RIPOR3: variants seen among roughly 807,000 people sequenced by gnomAD.
RIPOR3 encodes RIPOR family member 3.
A neutral mutation model predicts 114.3 loss-of-function variants in RIPOR3; 95 were observed. The ratio of observed to expected loss-of-function variants is 0.83; its 90% confidence interval spans 0.70 to 0.99. The LOEUF (loss-of-function observed/expected upper bound fraction) is 0.99. RIPOR3 is among the 50% of genes least tolerant of loss of function. The pLI, the probability that RIPOR3 is intolerant of heterozygous loss-of-function variation, is 0.00. For synonymous variants in RIPOR3, 575 were observed against 543.8 expected (o/e 1.06, Z -0.80); for missense variants, 1,252 against 1,266.9 (o/e 0.99, Z 0.18).
chr20:50,654,491 C>T (rs1176568142), intron 1 of RIPOR3, among the ~76,000 whole-genome samples: 2 of 119,934 alleles, frequency 1.7e-5, no homozygotes, highest in East Asian at 5.7e-4. Flanking sequence ...AGTGCAGTGG[C>T]GCAATCTCGG....
At chr20:50,648,602 A>G (rs1333318861) in intron 1 of RIPOR3, among the ~76,000 whole-genome samples, 2 of 152,096 alleles carry the variant, frequency 1.3e-5, no homozygotes, top group Non-Finnish European at 2.9e-5. Flanking sequence ...ATTGTAATAT[A>G]TAATGAAATA....
intron 13 of RIPOR3, among the ~76,000 whole-genome samples, chr20:50,601,437 T>C (rs756600723): frequency 6.6e-6 from 1 of 152,066 alleles, no homozygotes; most frequent in Non-Finnish European, 1.5e-5. Flanking sequence ...CGAGACTTCA[T>C]CTCAAAAAAT....
chr20:50,666,340 T>C (rs2123491720), intron 1 of RIPOR3, among the ~76,000 whole-genome samples: 1 of 150,642 alleles, frequency 6.6e-6, no homozygotes, highest in East Asian at 2.0e-4. Context: ...TTCTCCTGCT[T>C]CAGCCTCCCA....
intron 14 of RIPOR3, chr20:50,597,370 T>C: frequency 1.5e-6 from 1 of 645,186 alleles, no homozygotes; most frequent in Non-Finnish European, 2.6e-6. Context: ...GCTGGGGTGA[T>C]CTCACCCACT....
At chr20:50,671,430 A>ACGCG (rs1209680638) in intron 1 of RIPOR3, among the ~76,000 whole-genome samples, 1 of 2,992 alleles carries the variant, frequency 3.3e-4, no homozygotes, top group East Asian at 0.038. Context: ...GCGCGCGCGC[A>ACGCG]CACACACACA....
In RIPOR3 at chr20:50,604,771, C is replaced by A. The variant is rs376340592; in HGVS notation, c.960G>T (p.Pro320=). ...ACACCAGGAAGCTCTCAGTATCAAA[C>A]GGGCTGGAGGAGAGAACAGAAGGTC... ...IKLQLEVQWN[P]FDTESFLVSP... The change falls in exon 12 of 22, where the codon CCG becomes CCT. Residue 320 remains proline, a synonymous_variant. Coordinates refer to ENST00000327979, the MANE Select transcript of RIPOR3 (RefSeq NM_001290268.2). The A allele has an allele frequency of 1.2e-6, 2 of 1,607,602 alleles. No individual in the cohort carries two copies. Among genetic ancestry groups the A allele is most frequent in the African/African-American group, 2.7e-5 (2 of 74,406 alleles).
intron 11 of RIPOR3, among the ~76,000 whole-genome samples, chr20:50,607,341 G>GA (rs917950792): frequency 7.3e-6 from 1 of 136,526 alleles, no homozygotes; most frequent in African/African-American, 2.5e-5. Flanking sequence ...CGAGGCAAGT[G>GA]ATGCTCAGCC....
intron 2 of RIPOR3, among the ~76,000 whole-genome samples, chr20:50,626,906 C>T (rs979374877): frequency 8.6e-5 from 13 of 151,254 alleles, no homozygotes; most frequent in African/African-American, 2.4e-4. Flanking sequence ...CCCAGCTACT[C>T]GGGAGGCTGA....
chr20:50,671,510 T>C (rs2086495534), intron 1 of RIPOR3, among the ~76,000 whole-genome samples: 1 of 152,164 alleles, frequency 6.6e-6, no homozygotes, highest in East Asian at 1.9e-4. Flanking sequence ...ATGCTGGAGA[T>C]ACCCACATAG....
At chr20:50,597,551 G>A (rs1161150390) in intron 14 of RIPOR3, 29 bp downstream of exon 14, 1 of 1,586,790 alleles carries the variant, frequency 6.3e-7, no homozygotes. Flanking sequence ...GGTGGCCACT[G>A]GGTCACTGCT....
At chr20:50,634,040 G>GAC (rs1259388235) in intron 1 of RIPOR3, among the ~76,000 whole-genome samples, 1 of 142,120 alleles carries the variant, frequency 7.0e-6, no homozygotes, top group Non-Finnish European at 1.5e-5. Flanking sequence ...GGCGTGCAGT[G>GAC]ACACGATCTC....
At chr20:50,608,979 T>TC in intron 8 of RIPOR3, 24 bp from the exon 9 acceptor site, 1 of 1,559,312 alleles carries the variant, frequency 6.4e-7, no homozygotes, top group Non-Finnish European at 8.7e-7. Flanking sequence ...ATGGCCGGTC[T>TC]CCCCTCCGCC....
intron 20 of RIPOR3, among the ~76,000 whole-genome samples, chr20:50,589,434 A>G (rs920791971): frequency 6.6e-6 from 1 of 151,802 alleles, no homozygotes; most frequent in African/African-American, 2.4e-5. Context: ...GACTACAGGC[A>G]TGTGCCACCA....
At chr20:50,673,162 C>T (rs552845840) in intron 1 of RIPOR3, among the ~76,000 whole-genome samples, 12 of 152,262 alleles carry the variant, frequency 7.9e-5, no homozygotes, top group African/African-American at 1.7e-4. Flanking sequence ...CTTCTGTCTG[C>T]GTCCCAGCCT....
intron 14 of RIPOR3, chr20:50,597,056 C>T (rs2083318968): frequency 1.3e-5 from 2 of 153,134 alleles, no homozygotes; most frequent in Admixed American, 1.3e-4. Flanking sequence ...ACCTCCGCCT[C>T]CCGGGTCCGA....
At chr20:50,627,346 C>CA (rs71190580) in intron 2 of RIPOR3, among the ~76,000 whole-genome samples, 23,746 of 131,824 alleles carry the variant, frequency 0.18, 2,219 homozygotes, top group Middle Eastern at 0.26. Context: ...ACTAAAAATA[C>CA]AAAAAAAAAA....
intron 1 of RIPOR3, among the ~76,000 whole-genome samples, chr20:50,679,875 C>A (rs1196934757): frequency 1.3e-5 from 2 of 152,004 alleles, no homozygotes; most frequent in South Asian, 4.2e-4. Context: ...GAGGATCACC[C>A]GAGCTCAGGA....
In RIPOR3 at chr20:50,595,523, G is replaced by A. The variant is rs1166770580; in HGVS notation, c.1915-19C>T. The A allele has an allele frequency of 6.2e-7, 1 of 1,612,952 alleles. No individual in the cohort carries two copies. The highest frequency in any genetic ancestry group is 8.5e-7 in the Non-Finnish European group (1 of 1,179,526). On this transcript the variant is annotated intron_variant, in intron 15 of 21. Coordinates refer to ENST00000327979, the MANE Select transcript of RIPOR3 (RefSeq NM_001290268.2). ...CCAGTTTCTGGGAAGCAGCCCAGAT[G>A]CTCCAGATTAGCATGGAACATGCCC... is the stretch of plus-strand genomic sequence containing the variant.
chr20:50,609,066 G>A, intron 8 of RIPOR3, 111 bp from the exon 9 acceptor site: 1 of 1,444,172 alleles, frequency 6.9e-7, no homozygotes, highest in Non-Finnish European at 9.5e-7. Context: ...TCAGTGGGGT[G>A]AGGATGGGGG....
Sources: allele counts gnomAD v4.1 joint callset (sites outside exome capture counted in the v4.1 genomes callset), GRCh38; gene constraint gnomAD v4.1.1; transcripts MANE v1.5; gene names NCBI Gene and HGNC (gene_info 2026-07-23, HGNC 2026-07-21).